The following FMN2 variants were observed in gnomAD, a reference collection of about 807,000 sequenced individuals.
FMN2 encodes formin-2.
Under a neutral mutation model 142.3 loss-of-function variants are expected in FMN2, and 51 were observed. The observed-to-expected ratio is 0.36, with a 90% confidence interval of 0.29 to 0.45. The LOEUF is 0.45. Among genes scored for constraint, FMN2 ranks in the 20% least tolerant of loss-of-function variants. The probability of loss-of-function intolerance (pLI) is 1.00; values close to 1 mark genes in which losing one functional copy is unlikely to be tolerated. For missense variants in FMN2, 1,936 were observed against 2,122.8 expected (o/e 0.91, Z 1.73); for synonymous variants, 882 against 869.8 (o/e 1.01, Z -0.25).
chr1:240,280,813 C>G (rs1253318353), intron 7 of FMN2, among the ~76,000 whole-genome samples: 1 of 152,028 alleles, frequency 6.6e-6, no homozygotes, highest in Non-Finnish European at 1.5e-5. Context: ...TGTCACCTGC[C>G]AAAGTCAAAT....
chr1:240,391,838 T>C (rs1022134992), intron 14 of FMN2, among the ~76,000 whole-genome samples: 22 of 150,690 alleles, frequency 1.5e-4, no homozygotes, highest in African/African-American at 5.4e-4. Flanking sequence ...AAAAAAAAAA[T>C]GAAGTCACAG....
rs770103674 is a variant in FMN2, at chr1:240,092,412, G to A, written c.303G>A (p.Gln101=). The change falls in exon 1 of 18, where the codon CAG becomes CAA. Residue 101 remains glutamine, a synonymous_variant. Coordinates refer to ENST00000319653, the MANE Select transcript of FMN2 (RefSeq NM_020066.5). The stretch of plus-strand genomic sequence containing the variant: ...CCCGCGAAGATGTACTGGATTCCCA[G>A]GCCCTGCAGACCGGGGAGCTGGACA... ...GGSREDVLDS[Q]ALQTGELDSA... is the part of the protein sequence containing the mutation. 4.5e-5 allele frequency: 73 copies of A among 1,612,486 alleles called. No individual in the cohort carries two copies. The highest frequency in any genetic ancestry group is 6.1e-5 in the Non-Finnish European group (72 of 1,179,660).
chr1:240,274,703 T>A (rs1385012085), intron 7 of FMN2, among the ~76,000 whole-genome samples: 5 of 152,028 alleles, frequency 3.3e-5, no homozygotes, highest in Non-Finnish European at 5.9e-5. Flanking sequence ...AGATGTGAGA[T>A]GCTGGCGGCC....
intron 7 of FMN2, among the ~76,000 whole-genome samples, chr1:240,262,797 T>C (rs931993846): frequency 6.9e-6 from 1 of 145,920 alleles, no homozygotes; most frequent in Non-Finnish European, 1.5e-5. Context: ...AGTCTCACTC[T>C]GTCATCCAGG....
chr1:240,451,326 T>C (rs1676035030), intron 16 of FMN2, among the ~76,000 whole-genome samples: 1 of 151,066 alleles, frequency 6.6e-6, no homozygotes, highest in Admixed American at 6.6e-5. Context: ...AACACTGCAC[T>C]CTAGACTGGG....
intron 8 of FMN2, among the ~76,000 whole-genome samples, chr1:240,297,358 G>A (rs990035143): frequency 3.3e-5 from 5 of 152,062 alleles, no homozygotes; most frequent in African/African-American, 1.2e-4. Context: ...CACTTTGGGA[G>A]GCCAAGGCGG....
intron 4 of FMN2, among the ~76,000 whole-genome samples, chr1:240,193,313 T>A: frequency 6.6e-6 from 1 of 152,120 alleles, no homozygotes; most frequent in East Asian, 1.9e-4. Flanking sequence ...ATACGAAGAA[T>A]TATAAGACAA....
intron 6 of FMN2, among the ~76,000 whole-genome samples, chr1:240,226,590 A>G (rs1667309157): frequency 6.6e-6 from 1 of 152,210 alleles, no homozygotes; most frequent in African/African-American, 2.4e-5. Flanking sequence ...TACAAAAACA[A>G]GGAGCACTGG....
intron 2 of FMN2, among the ~76,000 whole-genome samples, chr1:240,162,491 A>G (rs1485182054): frequency 1.3e-5 from 2 of 152,182 alleles, no homozygotes; most frequent in African/African-American, 4.8e-5. Flanking sequence ...GCTAGTTATG[A>G]AACGATTCAC....
intron 6 of FMN2, among the ~76,000 whole-genome samples, chr1:240,251,376 C>T (rs1668274353): frequency 1.3e-5 from 2 of 151,952 alleles, no homozygotes; most frequent in Admixed American, 6.6e-5. Context: ...TGTATTTGTG[C>T]AGTTTCTAAA....
At chr1:240,373,056 C>T (rs977112127) in intron 14 of FMN2, among the ~76,000 whole-genome samples, 1 of 151,978 alleles carries the variant, frequency 6.6e-6, no homozygotes, top group Non-Finnish European at 1.5e-5. Context: ...TGGTGGTGCA[C>T]ACCTGTAATC....
intron 8 of FMN2, among the ~76,000 whole-genome samples, chr1:240,322,793 C>A (rs2103002693): frequency 6.6e-6 from 1 of 152,218 alleles, no homozygotes; most frequent in Admixed American, 6.5e-5. Context: ...ACACACGTTC[C>A]TGGAAAAGAG....
At position 240,294,483 on chromosome 1, in the gene FMN2, G is replaced by A. The variant is rs536918774; in HGVS notation, c.4154-339G>A. On this transcript the variant is annotated intron_variant, in intron 7 of 17. Coordinates refer to ENST00000319653, the MANE Select transcript of FMN2 (RefSeq NM_020066.5). ...TTTATTGATATAAAACTGGGATGTA[G>A]CATTCACTGGAGTGATTTGCTTATT... is the stretch of plus-strand genomic sequence containing the variant. 4.6e-5 allele frequency among the ~76,000 whole-genome samples: 7 copies of A among 152,220 alleles called. No homozygotes were observed. The East Asian group carries it at 7.7e-4, about 17-fold the overall frequency.
chr1:240,184,980 CTTCTCT>C (rs1354936200), intron 3 of FMN2, among the ~76,000 whole-genome samples: 20 of 148,860 alleles, frequency 1.3e-4, no homozygotes, highest in African/African-American at 4.7e-4. Context: ...ATACCTTCCC[CTTCTCT>C]TTCTCCCTCC....
rs1571977818 is a variant in FMN2, at chr1:240,143,760, G to A, written c.1782+20415G>A. 12 of 1,520,650 alleles carry A rather than the reference G, an allele frequency of 7.9e-6. No individual in the cohort carries two copies. The East Asian group carries it at 2.7e-4, about 34-fold the overall frequency. 94.2% of individuals were successfully genotyped at this position (1,520,650 alleles called of 1,614,324 possible). A position where few individuals can be genotyped will look rare whatever the true frequency, so the allele number is the denominator to read the frequency against. ...GCTCAGTACTTCTCCCTGATGGTCTGAAGGATAGTGGAAGTTACATCTCCA... is the reference window on the plus strand; with the variant it reads ...GCTCAGTACTTCTCCCTGATGGTCTAAAGGATAGTGGAAGTTACATCTCCA... On this transcript the variant is annotated intron_variant, in intron 2 of 17. Coordinates refer to ENST00000319653, the MANE Select transcript of FMN2 (RefSeq NM_020066.5).
chr1:240,162,495 G>A (rs985943751), intron 2 of FMN2, among the ~76,000 whole-genome samples: 3 of 152,056 alleles, frequency 2.0e-5, no homozygotes, highest in African/African-American at 7.2e-5. Context: ...GTTATGAAAC[G>A]ATTCACATTT....
intron 7 of FMN2, among the ~76,000 whole-genome samples, chr1:240,280,726 A>G (rs956153806): frequency 2.6e-5 from 4 of 152,120 alleles, no homozygotes; most frequent in Non-Finnish European, 5.9e-5. Flanking sequence ...GCTCATCTAT[A>G]CACTATGCTT....
intron 4 of FMN2, among the ~76,000 whole-genome samples, chr1:240,201,424 C>A (rs1666116231): frequency 6.6e-6 from 1 of 152,110 alleles, no homozygotes. Context: ...TTTGTGAGCA[C>A]CTCGTGGAGT....
intron 16 of FMN2, among the ~76,000 whole-genome samples, chr1:240,443,223 A>G (rs1675685452): frequency 6.6e-6 from 1 of 150,536 alleles, no homozygotes; most frequent in Non-Finnish European, 1.5e-5. Context: ...GAAAATGTTC[A>G]TGTAACCTAC....
Sources: allele counts gnomAD v4.1 joint callset (sites outside exome capture counted in the v4.1 genomes callset), GRCh38; gene constraint gnomAD v4.1.1; transcripts MANE v1.5; gene names NCBI Gene and HGNC (gene_info 2026-07-23, HGNC 2026-07-21).